The following B4GALNT3 variants were observed in gnomAD, a reference collection of about 807,000 sequenced individuals.
B4GALNT3 encodes beta-1,4-N-acetylgalactosaminyltransferase 3.
A neutral mutation model predicts 120.2 loss-of-function variants in B4GALNT3; 86 were observed. The ratio of observed to expected loss-of-function variants is 0.72; its 90% CI spans 0.60 to 0.86. B4GALNT3 has a LOEUF of 0.86. B4GALNT3 is among the 40% of genes least tolerant of loss of function. B4GALNT3 has a pLI of 0.00. For missense variants in B4GALNT3, 1,167 were observed against 1,298.9 expected, an observed-to-expected ratio of 0.90 and a Z score of 1.56; for synonymous variants, 518 against 510.4, an observed-to-expected ratio of 1.01 and a Z score of -0.20.
At chr12:508,265 G>A (rs532973662) in intron 1 of B4GALNT3, among the ~76,000 whole-genome samples, 2 of 152,264 alleles carry the variant, frequency 1.3e-5, no homozygotes, top group East Asian at 3.9e-4. Flanking sequence ...TGCATATTTT[G>A]AAACAACTTA....
intron 1 of B4GALNT3, among the ~76,000 whole-genome samples, chr12:478,271 AATTAG>A (rs779882705): frequency 1.6e-5 from 2 of 123,574 alleles, no homozygotes; most frequent in East Asian, 2.1e-4. Flanking sequence ...AAAAAAAAAA[AATTAG>A]AGGAGGTAAA....
At chr12:558,812 A>G in intron 18 of B4GALNT3, 151 bp downstream of exon 18, 1 of 834,512 alleles carries the variant, frequency 1.2e-6, no homozygotes, top group Non-Finnish European at 1.8e-6. Flanking sequence ...CGGAAAACTC[A>G]CCAGACAAGG....
chr12:525,391 G>A (rs1946751485), intron 1 of B4GALNT3, among the ~76,000 whole-genome samples: 1 of 152,202 alleles, frequency 6.6e-6, no homozygotes, highest in South Asian at 2.1e-4. Flanking sequence ...TGACAGGCGT[G>A]AGCCACTGCG....
chr12:481,219 G>A (rs938592980), intron 1 of B4GALNT3, among the ~76,000 whole-genome samples: 1 of 152,156 alleles, frequency 6.6e-6, no homozygotes, highest in African/African-American at 2.4e-5. Context: ...TTCCTCCCAG[G>A]GTCACTGGCT....
chr12:550,093 T>C lies in B4GALNT3; in HGVS notation c.997+181T>C, dbSNP rs1947061372. On this transcript the variant is annotated intron_variant, in intron 10 of 19. Transcript: ENST00000266383. This position sits in a 1 kb window ranked among gnomAD's most constrained non-coding sequence, Gnocchi z 4.1. ...AGAGCATGTAAATAAGTATAAAATA[T>C]TTACGTGTAATTTTACAATTCTGCA... Among the ~76,000 whole-genome samples the C allele has an allele frequency of 6.6e-6, 1 of 152,200 alleles. No homozygotes were observed. Among genetic ancestry groups the C allele is most frequent in the Non-Finnish European group, 1.5e-5 (1 of 68,042 alleles).
chr12:504,709 CAAA>C lies in B4GALNT3; in HGVS notation c.170-30452_170-30450del, dbSNP rs752136489. Among the ~76,000 whole-genome samples, 8 of 152,048 alleles carry C rather than the reference CAAA, an allele frequency of 5.3e-5. No homozygotes were observed. In the East Asian group the frequency reaches 5.8e-4, roughly 11 times the overall value. On this transcript the variant is annotated intron_variant, in intron 1 of 19. Coordinates refer to ENST00000266383, the MANE Select transcript of B4GALNT3 (RefSeq NM_173593.4). ...CCTGAGCAACAGAGTGAGATTCTGT[CAAA>C]AAAACAAACAAACAAAAAAACCCCA...
intron 1 of B4GALNT3, among the ~76,000 whole-genome samples, chr12:524,454 G>C (rs1315363990): frequency 6.6e-6 from 1 of 152,044 alleles, no homozygotes; most frequent in Non-Finnish European, 1.5e-5. Context: ...TCCAAAAGGA[G>C]CCGTCAGGTG....
chr12:549,208 C>A (rs1007538664), intron 9 of B4GALNT3, among the ~76,000 whole-genome samples: 2 of 152,174 alleles, frequency 1.3e-5, no homozygotes, highest in African/African-American at 2.4e-5. Context: ...CCCCCACCCC[C>A]CTTCTCTGTG....
rs1211762908 is a variant in B4GALNT3, at chr12:548,161, G to A, written c.786+59G>A. 1.9e-5 allele frequency: 31 copies of A among 1,606,588 alleles called. No individual in the cohort carries two copies. Among genetic ancestry groups the A allele is most frequent in the Non-Finnish European group, 2.6e-5 (31 of 1,173,266 alleles). ...CAGTTCCTGGCACTCATCTCCCCTT[G>A]TCCCTTGACCCCTGTTGGAAATCCA... On this transcript the variant is annotated intron_variant, in intron 8 of 19. Coordinates refer to ENST00000266383, the MANE Select transcript of B4GALNT3 (RefSeq NM_173593.4). This position sits in a 1 kb window ranked among gnomAD's most constrained non-coding sequence, Gnocchi z 4.9.
intron 19 of B4GALNT3, among the ~76,000 whole-genome samples, chr12:560,456 A>C (rs1565613703): frequency 6.6e-6 from 1 of 152,200 alleles, no homozygotes; most frequent in Non-Finnish European, 1.5e-5. Flanking sequence ...CTTGAAGAGA[A>C]GTTAATAACT....
Position 535,209 on chromosome 12 carries a change from G to C in B4GALNT3, c.213G>C (p.Arg71Ser), listed in dbSNP as rs762936730. Reference protein sequence around the residue: ...WRELAKALASRNIPAVDPHLQ... With the variant: ...WRELAKALASSNIPAVDPHLQ... ...AACTGGCCAAGGCTCTGGCCAGCAG[G>C]AACATTCCAGCTGTGGATCCACACC... is the stretch of plus-strand genomic sequence containing the variant. The change falls in exon 2 of 20, where the codon AGG becomes AGC. Residue 71 changes from arginine (R) to serine (S), a missense_variant. Arg to Ser is a moderately radical substitution (Grantham distance 110). Transcript: ENST00000266383. 2.4e-5 allele frequency: 39 copies of C among 1,613,738 alleles called. 1 individual carries two copies. In the South Asian group the frequency reaches 4.1e-4, roughly 17 times the overall value.
In B4GALNT3 at chr12:556,649, C is replaced by T. The variant is rs150429681; in HGVS notation, c.2163C>T (p.Arg721=). 4.0e-5 allele frequency: 65 copies of T among 1,613,874 alleles called. No individual in the cohort carries two copies. Among genetic ancestry groups the T allele is most frequent in the African/African-American group, 3.9e-4 (29 of 74,928 alleles). The change falls in exon 15 of 20, where the codon CGC becomes CGT. Residue 721 remains arginine, a synonymous_variant. Transcript: ENST00000266383. ...TTGAACTGTTGGAACAAGGCCAGCG[C>T]GTGGTGCGGCTCTCGGAGTATGTGT... is the stretch of plus-strand genomic sequence containing the variant. ...LELELLEQGQ[R]VVRLSEYVSA...
intron 1 of B4GALNT3, among the ~76,000 whole-genome samples, chr12:488,631 A>G (rs1946312530): frequency 1.3e-5 from 2 of 152,068 alleles, no homozygotes; most frequent in Non-Finnish European, 2.9e-5. Flanking sequence ...ACATAGCAAG[A>G]CCCCATCTCT....
At chr12:495,396 G>C (rs547710814) in intron 1 of B4GALNT3, among the ~76,000 whole-genome samples, 1 of 151,886 alleles carries the variant, frequency 6.6e-6, no homozygotes, top group Non-Finnish European at 1.5e-5. Flanking sequence ...AACTTTCTTT[G>C]TAAACCTTAG....
At chr12:476,779 T>C (rs1266221740) in intron 1 of B4GALNT3, among the ~76,000 whole-genome samples, 1 of 152,196 alleles carries the variant, frequency 6.6e-6, no homozygotes, top group Non-Finnish European at 1.5e-5. Context: ...CTTTCACATA[T>C]CAAAGAATCC....
Position 484,224 on chromosome 12 carries a change from C to G in B4GALNT3, c.169+23679C>G, listed in dbSNP as rs563564118. ...CTTAGCATCCTCCAGTTACACATCT[C>G]TTTCCGCCCTGCCTTCCCCGAGGTG... On this transcript the variant is annotated intron_variant, in intron 1 of 19. Coordinates refer to ENST00000266383, the MANE Select transcript of B4GALNT3 (RefSeq NM_173593.4). Among the ~76,000 whole-genome samples the G allele has an allele frequency of 9.2e-5, 14 of 152,336 alleles. No individual in the cohort carries two copies. The South Asian group carries it at 1.4e-3, about 16-fold the overall frequency.
At chr12:511,496 C>CCTT (rs1162616448) in intron 1 of B4GALNT3, among the ~76,000 whole-genome samples, 5 of 118,584 alleles carry the variant, frequency 4.2e-5, no homozygotes, top group African/African-American at 1.1e-4. Flanking sequence ...CCACCTTCCA[C>CCTT]CTTCCACCTT....
chr12:515,247 G>T (rs1213814429), intron 1 of B4GALNT3, among the ~76,000 whole-genome samples: 1 of 152,022 alleles, frequency 6.6e-6, no homozygotes. Context: ...GTGCAGTGGC[G>T]CAATCTTGGC....
At chr12:479,810 C>T (rs1046390401) in intron 1 of B4GALNT3, among the ~76,000 whole-genome samples, 11 of 150,870 alleles carry the variant, frequency 7.3e-5, no homozygotes, top group African/African-American at 1.2e-4. Flanking sequence ...ATTTCTCTCT[C>T]GTTTTTGCTC....
Sources: allele counts gnomAD v4.1 joint callset (sites outside exome capture counted in the v4.1 genomes callset), GRCh38; gene constraint gnomAD v4.1.1; non-coding constraint Gnocchi (gnomAD v3.1); transcripts MANE v1.5; gene names NCBI Gene and HGNC (gene_info 2026-07-23, HGNC 2026-07-21).